The following RND3 variants were observed in gnomAD, a reference collection of about 807,000 sequenced individuals.
RND3 encodes rho-related GTP-binding protein RhoE.
A neutral mutation model predicts 26.5 loss-of-function variants in RND3; 8 were observed. That is an observed-to-expected ratio of 0.30 (90% CI 0.18 to 0.54). The LOEUF (loss-of-function observed/expected upper bound fraction) is 0.54, where lower values mean the gene tolerates loss of function less well. Among genes scored for constraint, RND3 ranks in the 20% least tolerant of loss-of-function variants. The pLI is 0.94. For synonymous variants in RND3, 113 were observed against 113.0 expected (o/e 1.00, Z 0.00); for missense variants, 207 against 302.8 (o/e 0.68, Z 2.35).
chr2:150,486,331 G>A lies in RND3; in HGVS notation c.238+363C>T, dbSNP rs1686360812. On this transcript the variant is annotated intron_variant, in intron 3 of 5. Coordinates refer to ENST00000263895, the MANE Select transcript of RND3 (RefSeq NM_005168.5). The surrounding 1 kb of genome is among the most constrained non-coding windows in gnomAD (Gnocchi z 4.5). ...CTAGGAGGGGCGCCCGCCTTGAGCC[G>A]GGTGGTTCCGCCGAGGCGCACGCAG... 6.6e-6 allele frequency among the ~76,000 whole-genome samples: 1 copy of A among 152,092 alleles called. No homozygotes were observed. The highest frequency in any genetic ancestry group is 1.5e-5 in the Non-Finnish European group (1 of 68,014).
In RND3 at chr2:150,487,474, A is replaced by AAAAAT; in HGVS notation, c.-38-20_-38-19insATTTT. The stretch of plus-strand genomic sequence containing the variant: ...ATTTTCTCTTAAGAAGAAAAAAAAA[A>AAAAAT]ATATATATATATATATATATTTCTC... On this transcript the variant is annotated intron_variant, in intron 1 of 5. Transcript: ENST00000263895. 1,851 of 200,690 alleles carry AAAAAT rather than the reference A, an allele frequency of 9.2e-3. 12 individuals carry two copies. Among genetic ancestry groups the AAAAAT allele is most frequent in the South Asian group, 0.018 (122 of 6,736 alleles). The allele number at this position is 200,690 out of a possible 1,614,324, so 12.4% of individuals were successfully genotyped here.
At chr2:150,475,885 A>G (rs1197508111) in intron 3 of RND3, among the ~76,000 whole-genome samples, 1 of 152,208 alleles carries the variant, frequency 6.6e-6, no homozygotes, top group Non-Finnish European at 1.5e-5. Flanking sequence ...GCACCAGCCA[A>G]TTAATTTAAC....
Position 150,471,670 on chromosome 2 carries a change from A to T in RND3, c.440T>A (p.Val147Glu), listed in dbSNP as rs1686089833. Reference sequence around the variant, plus strand: ...CGTCTGCCTGTGATTGGAGAGCTCTACTAATGTACTAACATCTGTCCGCAG... The same window carrying T: ...CGTCTGCCTGTGATTGGAGAGCTCTTCTAATGTACTAACATCTGTCCGCAG... The part of the protein sequence containing the change: ...SDLRTDVSTL[V>E]ELSNHRQTPV... The change falls in exon 5 of 6, where the codon GTA (valine) becomes GAA (glutamate). Residue 147 changes from valine to glutamate, a missense_variant. Coordinates refer to ENST00000263895, the MANE Select transcript of RND3 (RefSeq NM_005168.5). 1 of 1,613,344 alleles carries T rather than the reference A, an allele frequency of 6.2e-7. No individual in the cohort carries two copies. Among genetic ancestry groups the T allele is most frequent in the African/African-American group, 1.3e-5 (1 of 74,864 alleles).
At chr2:150,471,460 G>A (rs146640859) in intron 5 of RND3, among the ~76,000 whole-genome samples, 167 bp downstream of exon 5, 10 of 152,310 alleles carry the variant, frequency 6.6e-5, no homozygotes, top group East Asian at 1.9e-4. Flanking sequence ...TTATGTACCC[G>A]AATATCATGT....
Position 150,486,686 on chromosome 2 carries a change from ACT to A in RND3, c.238+6_238+7del, listed in dbSNP as rs1451641732. On this transcript the variant is annotated splice_donor_region_variant and intron_variant, in intron 3 of 5. Coordinates refer to ENST00000263895, the MANE Select transcript of RND3 (RefSeq NM_005168.5). This position sits in a 1 kb window ranked among gnomAD's most constrained non-coding sequence, Gnocchi z 4.5. ...GCCCCAAGCGCCACGCGGTCCTCCC[ACT>A]CTTACCCGAAGTGTCCCACAGGCTC... is the stretch of plus-strand genomic sequence containing the variant. 4 of 1,601,794 alleles carry A rather than the reference ACT, an allele frequency of 2.5e-6. No individual in the cohort carries two copies. The highest frequency in any genetic ancestry group is 3.4e-6 in the Non-Finnish European group (4 of 1,169,144).
chr2:150,486,104 A>C lies in RND3; in HGVS notation c.238+590T>G, dbSNP rs1686355381. Among the ~76,000 whole-genome samples, 1 of 151,570 alleles carries C rather than the reference A, an allele frequency of 6.6e-6. No individual in the cohort carries two copies. Among genetic ancestry groups the C allele is most frequent in the Admixed American group, 6.6e-5 (1 of 15,242 alleles). ...GCACCGCGGGCGGCCGGCAGCGCGA[A>C]GAGGAGGTTCAGCTGCTGCCCGGCC... On this transcript the variant is annotated intron_variant, in intron 3 of 5. Coordinates refer to ENST00000263895, the MANE Select transcript of RND3 (RefSeq NM_005168.5). The surrounding 1 kb of genome is among the most constrained non-coding windows in gnomAD (Gnocchi z 4.5).
In RND3 at chr2:150,487,320, T is replaced by C. The variant is rs1473735404; in HGVS notation, c.98A>G (p.Gln33Arg). 4 of 1,605,786 alleles carry C rather than the reference T, an allele frequency of 2.5e-6. No homozygotes were observed. Among genetic ancestry groups the C allele is most frequent in the African/African-American group, 1.3e-5 (1 of 74,338 alleles). Residue 33 changes from glutamine to arginine, a missense_variant, in exon 2 of 6, where the codon CAG becomes CGG. Physicochemically the swap from Gln to Arg is conservative, Grantham distance 43 (BLOSUM62 1). Transcript: ENST00000263895. ...ATGGAGCAGCGCAGTTTTTCCACAC[T>C]GACTGTCTCCCACCACAACTATCTT... ...KCKIVVVGDS[Q>R]CGKTALLHVF...
At chr2:150,480,359 G>T (rs1381942615) in intron 3 of RND3, among the ~76,000 whole-genome samples, 1 of 152,130 alleles carries the variant, frequency 6.6e-6, no homozygotes, top group Non-Finnish European at 1.5e-5. Flanking sequence ...TAAAATGTTT[G>T]CTTTGCCAAG....
At position 150,472,272 on chromosome 2, in the gene RND3, G is replaced by A. The variant is rs540124444; in HGVS notation, c.349-511C>T. Among the ~76,000 whole-genome samples the A allele has an allele frequency of 2.6e-5, 4 of 152,232 alleles. No individual in the cohort carries two copies. The East Asian group carries it at 7.7e-4, about 29-fold the overall frequency. ...ACCACGAGCTGAGGCTCTATTTTAA[G>A]TACCTGAGATAGTTAATAAAACAGA... On this transcript the variant is annotated intron_variant, in intron 4 of 5. Transcript: ENST00000263895.
In RND3 at chr2:150,471,613, G is replaced by A; in HGVS notation, c.483+14C>T. On this transcript the variant is annotated intron_variant, in intron 5 of 5. Transcript: ENST00000263895. Reference sequence around the variant, plus strand: ...TTTCTAAAATCCAGTTTTGCACATGGGCAACATACATACCTGGTCATAGGA... The same window carrying A: ...TTTCTAAAATCCAGTTTTGCACATGAGCAACATACATACCTGGTCATAGGA... The A allele has an allele frequency of 6.3e-7, 1 of 1,585,056 alleles. No individual in the cohort carries two copies. Among genetic ancestry groups the A allele is most frequent in the Non-Finnish European group, 8.6e-7 (1 of 1,168,080 alleles).
rs1272776970 is a variant in RND3 at position 150,486,078 on chromosome 2, G to A, written c.238+616C>T. 6.6e-6 allele frequency among the ~76,000 whole-genome samples: 1 copy of A among 152,206 alleles called. No individual in the cohort carries two copies. Among genetic ancestry groups the A allele is most frequent in the Non-Finnish European group, 1.5e-5 (1 of 68,044 alleles). On this transcript the variant is annotated intron_variant, in intron 3 of 5. Transcript: ENST00000263895. The surrounding 1 kb of genome is among the most constrained non-coding windows in gnomAD (Gnocchi z 4.5). ...AAAGCTCGGTACAGGTGGGCACCGA[G>A]GCACCGCGGGCGGCCGGCAGCGCGA...
At chr2:150,471,550 T>C in intron 5 of RND3, 77 bp downstream of exon 5, 3 of 1,256,560 alleles carry the variant, frequency 2.4e-6, no homozygotes, top group Admixed American at 2.5e-5. Context: ...CTACTTTTTA[T>C]TTTATTTATT....
intron 3 of RND3, among the ~76,000 whole-genome samples, chr2:150,478,046 A>G (rs1573954926): frequency 6.6e-6 from 1 of 152,206 alleles, no homozygotes; most frequent in African/African-American, 2.4e-5. Context: ...TATTCACTAT[A>G]TTTTTGATAG....
chr2:150,483,981 T>C (rs889409731), intron 3 of RND3, among the ~76,000 whole-genome samples: 4 of 152,220 alleles, frequency 2.6e-5, no homozygotes, highest in Admixed American at 2.6e-4. Context: ...TAAACATACA[T>C]AAGTTTTGGT....
At chr2:150,487,226 C>A in intron 2 of RND3, 42 bp downstream of exon 2, 1 of 1,513,888 alleles carries the variant, frequency 6.6e-7, no homozygotes, top group Non-Finnish European at 8.9e-7. Context: ...TGGGATCCCA[C>A]TGGCCGACCC....
At position 150,486,416 on chromosome 2, in the gene RND3, C is replaced by T. The variant is rs1161928305; in HGVS notation, c.238+278G>A. 6.6e-6 allele frequency among the ~76,000 whole-genome samples: 1 copy of T among 151,924 alleles called. No homozygotes were observed. The highest frequency in any genetic ancestry group is 2.4e-5 in the African/African-American group (1 of 41,376). On this transcript the variant is annotated intron_variant, in intron 3 of 5. Transcript: ENST00000263895. This position sits in a 1 kb window ranked among gnomAD's most constrained non-coding sequence, Gnocchi z 4.5. Reference sequence around the variant, plus strand: ...CGGCCGACCCAAGGCGACTTGACCACGACTCCGCGGGCGGACTGCGCCTGG... The same window carrying T: ...CGGCCGACCCAAGGCGACTTGACCATGACTCCGCGGGCGGACTGCGCCTGG...
At chr2:150,476,346 G>T (rs1686164457) in intron 3 of RND3, among the ~76,000 whole-genome samples, 1 of 152,176 alleles carries the variant, frequency 6.6e-6, no homozygotes, top group Non-Finnish European at 1.5e-5. Flanking sequence ...CTGTTCTTGT[G>T]ATCTAAAAGG....
chr2:150,479,943 A>G (rs1047245987), intron 3 of RND3, among the ~76,000 whole-genome samples: 6 of 152,338 alleles, frequency 3.9e-5, no homozygotes, highest in East Asian at 1.9e-4. Flanking sequence ...ATGTGTTGCT[A>G]TTAAAATGGA....
Position 150,469,895 on chromosome 2 carries a change from T to G in RND3, c.*92A>C. The G allele has an allele frequency of 1.4e-6, 2 of 1,462,568 alleles. No individual in the cohort carries two copies. The highest frequency in any genetic ancestry group is 1.9e-6 in the Non-Finnish European group (2 of 1,068,544). The allele number at this position is 1,462,568 out of a possible 1,614,324, so 90.6% of individuals were successfully genotyped here. ...CTCCTAAGCCTCTGGTATACATGAC[T>G]TTGGCTGTGCACTTCATTTAGACTT... is the stretch of plus-strand genomic sequence containing the variant. On this transcript the variant is annotated 3_prime_UTR_variant, in exon 6 of 6. Coordinates refer to ENST00000263895, the MANE Select transcript of RND3 (RefSeq NM_005168.5).
Sources: gnomAD v4.1 joint callset for allele counts (sites outside exome capture counted in the v4.1 genomes callset) on GRCh38, gnomAD v4.1.1 for gene constraint, Gnocchi (gnomAD v3.1) non-coding constraint, MANE v1.5 for transcripts, NCBI Gene and HGNC (gene_info 2026-07-23, HGNC 2026-07-21) for gene names.